Variants in TEAD3 observed in about 807,000 individuals in gnomAD.
TEAD3 encodes the protein transcriptional enhancer factor TEF-5.
In TEAD3, 15 loss-of-function variants were observed where a neutral mutation model predicts 55.6. The observed-to-expected ratio is 0.27, with a 90% CI of 0.18 to 0.42. The LOEUF (loss-of-function observed/expected upper bound fraction) is 0.42, where lower values mean the gene tolerates loss of function less well. TEAD3 is among the 10% of genes least tolerant of loss of function. The pLI, the probability that TEAD3 is intolerant of heterozygous loss-of-function variation, is 1.00. For synonymous variants in TEAD3, 210 were observed against 232.2 expected (o/e 0.90, Z 0.87); for missense variants, 407 against 576.8 (o/e 0.71, Z 3.01).
chr6:35,475,516 T>C lies in TEAD3; in HGVS notation c.1042-28A>G. The stretch of plus-strand genomic sequence containing the variant: ...GCAGAGAATATGGAGAAGGCGTCAC[T>C]CGGCCTGCCTGCTCCCAGCCCCACC... On this transcript the variant is annotated intron_variant, in intron 11 of 12. Coordinates refer to ENST00000639578, the Ensembl canonical transcript of TEAD3. The surrounding 1 kb of genome is among the most constrained non-coding windows in gnomAD (Gnocchi z 5.4). 1.2e-6 allele frequency: 2 copies of C among 1,604,812 alleles called. No individual in the cohort carries two copies. Among genetic ancestry groups the C allele is most frequent in the African/African-American group, 1.3e-5 (1 of 74,880 alleles).
chr6:35,482,194 C>T (rs1768280522), intron 3 of TEAD3, among the ~76,000 whole-genome samples: 1 of 152,160 alleles, frequency 6.6e-6, no homozygotes, highest in Non-Finnish European at 1.5e-5. Context: ...CCATGTTGAC[C>T]AGGCTGGTCT....
At chr6:35,480,802 G>A (rs1768251141) in intron 3 of TEAD3, among the ~76,000 whole-genome samples, 1 of 152,158 alleles carries the variant, frequency 6.6e-6, no homozygotes, top group African/African-American at 2.4e-5. Flanking sequence ...ATGTGTCCTT[G>A]TACAAGGCTG....
chr6:35,481,408 G>C (rs1330445357), intron 3 of TEAD3, among the ~76,000 whole-genome samples: 2 of 152,294 alleles, frequency 1.3e-5, no homozygotes, highest in African/African-American at 4.8e-5. Flanking sequence ...CACAAAGAAA[G>C]CTCGTTTTTC....
At position 35,475,332 on chromosome 6, in the gene TEAD3, A is replaced by G; in HGVS notation, c.1194+4T>C. Reference sequence around the variant, plus strand: ...ACTCCCCACGACCCCTGCTGCCCCCATACCTGCAGGATGGTGAAGTTCTCC... The same window carrying G: ...ACTCCCCACGACCCCTGCTGCCCCCGTACCTGCAGGATGGTGAAGTTCTCC... On this transcript the variant is annotated splice_donor_region_variant and intron_variant, in intron 12 of 12. Transcript: ENST00000639578. This position sits in a 1 kb window ranked among gnomAD's most constrained non-coding sequence, Gnocchi z 5.4. The G allele has an allele frequency of 6.2e-7, 1 of 1,612,900 alleles. No individual in the cohort carries two copies. The highest frequency in any genetic ancestry group is 8.5e-7 in the Non-Finnish European group (1 of 1,179,176).
rs1768340608 is a variant in TEAD3 at position 35,484,843 on chromosome 6, T to C, written c.203-219A>G. On this transcript the variant is annotated intron_variant, in intron 2 of 12. Transcript: ENST00000639578. This position sits in a 1 kb window ranked among gnomAD's most constrained non-coding sequence, Gnocchi z 5.8. ...CTCCAGGACCTAGAGGGGCTGCTCT[T>C]CAGGGGAGGGGTGCATGAGGGGCTG... 6.6e-6 allele frequency among the ~76,000 whole-genome samples: 1 copy of C among 152,116 alleles called. No homozygotes were observed. The highest frequency in any genetic ancestry group is 6.5e-5 in the Admixed American group (1 of 15,280).
chr6:35,491,246 TGACA>T lies in TEAD3; in HGVS notation c.-49-4539_-49-4536del, dbSNP rs1451631451. Among the ~76,000 whole-genome samples the T allele has an allele frequency of 2.3e-5, 3 of 127,662 alleles. No individual in the cohort carries two copies. Among genetic ancestry groups the T allele is most frequent in the Admixed American group, 8.8e-5 (1 of 11,386 alleles). 83.8% of individuals were successfully genotyped at this position (127,662 alleles called of 152,430 possible). A position where few individuals can be genotyped will look rare whatever the true frequency, so the allele number is the denominator to read the frequency against. ...GTGCTGGACCCTCAGACCCACAGAC[TGACA>T]GACAGAGCCGGTGGGGGGTGAAGGG... On this transcript the variant is annotated intron_variant, in intron 1 of 12. Transcript: ENST00000639578. This position sits in a 1 kb window ranked among gnomAD's most constrained non-coding sequence, Gnocchi z 4.4.
At chr6:35,476,017 C>T (rs1224980889) in exon 10 of TEAD3, 1 of 1,562,170 alleles carries the variant, frequency 6.4e-7, no homozygotes, top group Non-Finnish European at 8.7e-7. Flanking sequence ...ATCTGGCGCA[C>T]ATCTACTGCC....
At position 35,496,121 on chromosome 6, in the gene TEAD3, T is replaced by A. The variant is rs1480671573; in HGVS notation, c.-50+777A>T. Among the ~76,000 whole-genome samples, 1 of 142,956 alleles carries A rather than the reference T, an allele frequency of 7.0e-6. No individual in the cohort carries two copies. The highest frequency in any genetic ancestry group is 2.5e-5 in the African/African-American group (1 of 39,966). 93.8% of individuals were successfully genotyped at this position (142,956 alleles called of 152,430 possible). ...CAGGAATAAAGGGCATGACAGACAA[T>A]GGTGGGGACCGGGGTAGGAAGCGGG... On this transcript the variant is annotated intron_variant, in intron 1 of 12. Coordinates refer to ENST00000639578, the Ensembl canonical transcript of TEAD3. The surrounding 1 kb of genome is among the most constrained non-coding windows in gnomAD (Gnocchi z 4.8).
chr6:35,477,264 G>A, intron 8 of TEAD3, 47 bp downstream of exon 8: 1 of 1,599,422 alleles, frequency 6.3e-7, no homozygotes, highest in Non-Finnish European at 8.5e-7. Context: ...GCTCTCCTGA[G>A]TGGAGGTGCA....
In TEAD3 at chr6:35,475,048, T is replaced by A; in HGVS notation, c.1304A>T (p.Asp435Val). 1 of 1,577,494 alleles carries A rather than the reference T, an allele frequency of 6.3e-7. No homozygotes were observed. Among genetic ancestry groups the A allele is most frequent in the Non-Finnish European group, 8.6e-7 (1 of 1,161,274 alleles). The stretch of plus-strand genomic sequence containing the variant: ...TAAGGAGGCGCAGAGGGCACCCTAG[T>A]CTTTGACGAGCTTGTAGACATGGTG... The change falls in exon 13 of 13, where the codon GAC becomes GTC. Residue 435 changes from aspartate to valine, a missense_variant. Coordinates refer to ENST00000639578, the Ensembl canonical transcript of TEAD3. This position sits in a 1 kb window ranked among gnomAD's most constrained non-coding sequence, Gnocchi z 5.4.
At chr6:35,476,031 A>G (rs1768139872) in exon 10 of TEAD3, 2 of 1,559,106 alleles carry the variant, frequency 1.3e-6, no homozygotes, top group African/African-American at 1.4e-5. Flanking sequence ...TACTGCCTCC[A>G]GGGGTGGGTC....
At position 35,478,324 on chromosome 6, in the gene TEAD3, ACT is replaced by A; in HGVS notation, c.481-2_481-1del. 1 of 1,613,834 alleles carries A rather than the reference ACT, an allele frequency of 6.2e-7. No homozygotes were observed. Among genetic ancestry groups the A allele is most frequent in the Non-Finnish European group, 8.5e-7 (1 of 1,179,864 alleles). On this transcript the variant is annotated splice_acceptor_variant, in intron 6 of 12. Transcript: ENST00000639578. LOFTEE classifies it high-confidence loss of function. ...CCCAGGAGAGGGGGGCTGCTCCAGA[ACT>A]GCAGGGATGAGACAAGGCCCAGGGG...
At chr6:35,495,413 T>C (rs1206669653) in intron 1 of TEAD3, among the ~76,000 whole-genome samples, 2 of 152,130 alleles carry the variant, frequency 1.3e-5, no homozygotes, top group African/African-American at 4.8e-5. Flanking sequence ...ATTAATGACG[T>C]TCCCTCCCTG....
Position 35,488,586 on chromosome 6 carries a change from G to C in TEAD3, c.-49-1875C>G, listed in dbSNP as rs983838377. 6.6e-5 allele frequency among the ~76,000 whole-genome samples: 10 copies of C among 152,066 alleles called. No individual in the cohort carries two copies. The highest frequency in any genetic ancestry group is 2.4e-4 in the African/African-American group (10 of 41,404). Reference sequence around the variant, plus strand: ...AATTCCAGGTCCTGCTGCTTGAGTCGGGGTGGACTCTCTCTGCAGAGCCAC... The same window carrying C: ...AATTCCAGGTCCTGCTGCTTGAGTCCGGGTGGACTCTCTCTGCAGAGCCAC... On this transcript the variant is annotated intron_variant, in intron 1 of 12. Coordinates refer to ENST00000639578, the Ensembl canonical transcript of TEAD3. The surrounding 1 kb of genome is among the most constrained non-coding windows in gnomAD (Gnocchi z 4.2).
intron 1 of TEAD3, among the ~76,000 whole-genome samples, chr6:35,489,113 T>A (rs1358135339): frequency 6.6e-6 from 1 of 152,236 alleles, no homozygotes; most frequent in Non-Finnish European, 1.5e-5. Context: ...CTAGTTATTG[T>A]AATTATTCTA....
rs1477116710 is a variant in TEAD3 at position 35,475,949 on chromosome 6, G to A, written c.870C>T (p.Pro290=). 1.9e-6 allele frequency: 3 copies of A among 1,545,846 alleles called. No individual in the cohort carries two copies. In the Admixed American group the frequency reaches 6.3e-5, roughly 32 times the overall value. The change falls in exon 10 of 13, where the codon CCC becomes CCT. Residue 290 remains proline, a synonymous_variant. Coordinates refer to ENST00000639578, the Ensembl canonical transcript of TEAD3. This position sits in a 1 kb window ranked among gnomAD's most constrained non-coding sequence, Gnocchi z 5.4. ...ACTTGACAAGGAAGAAGGCATTAGG[G>A]GGCCCCTTCTCATAGAGCTCCTTCA...
chr6:35,494,325 T>C (rs1446576247), intron 1 of TEAD3, among the ~76,000 whole-genome samples: 1 of 152,190 alleles, frequency 6.6e-6, no homozygotes, highest in African/African-American at 2.4e-5. Context: ...TGCAGGGGGA[T>C]GAACCTCTCT....
chr6:35,479,390 C>A, intron 4 of TEAD3, 74 bp from the exon 5 acceptor site: 1 of 1,574,458 alleles, frequency 6.4e-7, no homozygotes, highest in Non-Finnish European at 8.7e-7. Flanking sequence ...GACGTCTTTG[C>A]GCCTACCTCC....
In TEAD3 at chr6:35,483,218, A is replaced by G. The variant is rs1231467633; in HGVS notation, c.267+1342T>C. On this transcript the variant is annotated intron_variant, in intron 3 of 12. Transcript: ENST00000639578. The surrounding 1 kb of genome is among the most constrained non-coding windows in gnomAD (Gnocchi z 4.5). The stretch of plus-strand genomic sequence containing the variant: ...TGGTTCATAAATGCTTGAATGAATG[A>G]GGGATCGTTGCCACCCCTACACTGG... Among the ~76,000 whole-genome samples, 5 of 152,212 alleles carry G rather than the reference A, an allele frequency of 3.3e-5. No individual in the cohort carries two copies. Among genetic ancestry groups the G allele is most frequent in the African/African-American group, 1.2e-4 (5 of 41,442 alleles).
Sources: allele counts gnomAD v4.1 joint callset (sites outside exome capture counted in the v4.1 genomes callset), GRCh38; gene constraint gnomAD v4.1.1; non-coding constraint Gnocchi (gnomAD v3.1); transcripts MANE v1.5; gene names NCBI Gene and HGNC (gene_info 2026-07-23, HGNC 2026-07-21).